The following HDX variants were observed in gnomAD, a reference collection of about 807,000 sequenced individuals.
HDX encodes the protein chromosome X open reading frame 43.
In HDX, 19 loss-of-function variants were observed where a neutral mutation model predicts 45.2. The observed-to-expected ratio is 0.42, with a 90% CI of 0.29 to 0.62. The LOEUF is 0.62. HDX is among the 20% of genes least tolerant of loss of function. HDX has a pLI of 0.20. For synonymous variants in HDX, 188 were observed against 172.8 expected (o/e 1.09, Z -0.69); for missense variants, 532 against 493.9 (o/e 1.08, Z -0.73).
intron 5 of HDX, among the ~76,000 whole-genome samples, chrX:84,368,441 T>A (rs987926873): frequency 8.9e-6 from 1 of 111,803 alleles, no homozygotes; most frequent in Admixed American, 9.5e-5. Flanking sequence ...TTTCATTCAA[T>A]TTATTTATTA....
chrX:84,422,614 A>C (rs1473700140), intron 5 of HDX, among the ~76,000 whole-genome samples: 1 of 110,411 alleles, frequency 9.1e-6, no homozygotes, highest in Non-Finnish European at 1.9e-5. Context: ...AGTAGAAATA[A>C]ATGCTTTTGA....
intron 4 of HDX, among the ~76,000 whole-genome samples, chrX:84,459,183 C>T (rs1041743029): frequency 1.8e-5 from 2 of 111,739 alleles, no homozygotes; most frequent in Admixed American, 9.4e-5. Flanking sequence ...TGGCTCATGC[C>T]TGTAATCCCA....
At chrX:84,384,396 TAA>T (rs756708725) in intron 5 of HDX, among the ~76,000 whole-genome samples, 1 of 111,216 alleles carries the variant, frequency 9.0e-6, no homozygotes, top group South Asian at 3.8e-4. Flanking sequence ...TTGATTTGTT[TAA>T]GTTTTTTAGA....
chrX:84,487,773 G>A (rs918038048), intron 2 of HDX, among the ~76,000 whole-genome samples: 3 of 112,150 alleles, frequency 2.7e-5, no homozygotes, highest in Non-Finnish European at 5.6e-5. Flanking sequence ...GAAATATAGG[G>A]TTTCCCTTAG....
Position 84,469,013 on chromosome X carries a change from C to G in HDX, c.710G>C (p.Gly237Ala), listed in dbSNP as rs1218194908. The change falls in exon 4 of 11, where the codon GGC (glycine) becomes GCC (alanine). Residue 237 changes from glycine to alanine, a missense_variant. Gly to Ala is a moderately conservative substitution (Grantham distance 60, BLOSUM62 0). Coordinates refer to ENST00000373177, the MANE Select transcript of HDX (RefSeq NM_001177479.2). ...IQRSYKPEHT[G>A]PALHNLCGQK... ...CCCACATAAGTTATGTAATGCTGGG[C>G]CTGTGTGTTCAGGCTTATATGACCT... The G allele has an allele frequency of 8.3e-7, 1 of 1,211,280 alleles. No homozygotes were observed.
At chrX:84,371,418 G>A (rs2037891427) in intron 5 of HDX, among the ~76,000 whole-genome samples, 1 of 111,631 alleles carries the variant, frequency 9.0e-6, no homozygotes, top group Non-Finnish European at 1.9e-5. Flanking sequence ...ATCCTAAATG[G>A]GAAGAAAAAT....
At chrX:84,327,097 G>A (rs746883817) in intron 9 of HDX, among the ~76,000 whole-genome samples, 1 of 111,557 alleles carries the variant, frequency 9.0e-6, no homozygotes, top group East Asian at 2.8e-4. Flanking sequence ...AGCCTCCACA[G>A]ATTAAGTAGG....
At chrX:84,432,571 G>GT (rs202045211) in intron 5 of HDX, among the ~76,000 whole-genome samples, 57 of 110,349 alleles carry the variant, frequency 5.2e-4, no homozygotes, top group Non-Finnish European at 9.3e-4. Flanking sequence ...GTATTCTTAG[G>GT]TTTTTTTTGT....
chrX:84,415,710 C>T (rs1569327964), intron 5 of HDX, among the ~76,000 whole-genome samples: 1 of 112,334 alleles, frequency 8.9e-6, no homozygotes, highest in Non-Finnish European at 1.9e-5. Context: ...TAAATTTCAT[C>T]TGATGTGTTT....
intron 5 of HDX, among the ~76,000 whole-genome samples, chrX:84,431,124 G>GT (rs968037049): frequency 1.8e-5 from 2 of 110,356 alleles, no homozygotes; most frequent in Non-Finnish European, 3.8e-5. Context: ...GTGGTATTTT[G>GT]TTTTCTGTTC....
intron 5 of HDX, among the ~76,000 whole-genome samples, chrX:84,391,179 T>A (rs2038432606): frequency 9.6e-6 from 1 of 104,482 alleles, no homozygotes; most frequent in Admixed American, 1.0e-4. Flanking sequence ...TTTTTAGCTG[T>A]CACATATGAA....
intron 5 of HDX, among the ~76,000 whole-genome samples, chrX:84,388,674 T>A (rs1440341719): frequency 8.9e-6 from 1 of 111,943 alleles, no homozygotes; most frequent in Non-Finnish European, 1.9e-5. Context: ...TCTTAAAATG[T>A]CTATTTTATC....
chrX:84,403,350 T>C (rs938067940), intron 5 of HDX, among the ~76,000 whole-genome samples: 2 of 111,513 alleles, frequency 1.8e-5, no homozygotes, highest in African/African-American at 6.5e-5. Flanking sequence ...TTTATTTTGA[T>C]GGAATTAAGA....
chrX:84,427,746 A>T (rs1413599375), intron 5 of HDX, among the ~76,000 whole-genome samples: 1 of 111,524 alleles, frequency 9.0e-6, no homozygotes, highest in Non-Finnish European at 1.9e-5. Context: ...TATTATAAAT[A>T]AAGCTGATAT....
intron 4 of HDX, among the ~76,000 whole-genome samples, chrX:84,450,816 C>T (rs1180309892): frequency 8.9e-6 from 1 of 112,093 alleles, no homozygotes; most frequent in Non-Finnish European, 1.9e-5. Context: ...TCTCAACAAC[C>T]ACTTTTTTAA....
intron 2 of HDX, among the ~76,000 whole-genome samples, chrX:84,477,280 G>C (rs1016170072): frequency 1.8e-5 from 2 of 111,609 alleles, no homozygotes; most frequent in Non-Finnish European, 3.8e-5. Context: ...CTCCTCTGCA[G>C]GGCTGTACCT....
chrX:84,407,026 T>C (rs951668977), intron 5 of HDX, among the ~76,000 whole-genome samples: 2 of 111,829 alleles, frequency 1.8e-5, no homozygotes, highest in African/African-American at 3.2e-5. Context: ...TATTTCTAAA[T>C]TGTTGGCTAG....
intron 4 of HDX, among the ~76,000 whole-genome samples, chrX:84,458,749 C>T (rs918776518): frequency 3.6e-5 from 4 of 111,510 alleles, no homozygotes; most frequent in Non-Finnish European, 7.5e-5. Flanking sequence ...CTGGCAAAAT[C>T]GGAAACCTGC....
At chrX:84,474,751 T>G (rs1298559968) in intron 3 of HDX, among the ~76,000 whole-genome samples, 1 of 112,217 alleles carries the variant, frequency 8.9e-6, no homozygotes, top group African/African-American at 3.2e-5. Context: ...AAAGAAAAAT[T>G]TATTCTCTTA....
Sources: gnomAD v4.1 joint callset for allele counts (sites outside exome capture counted in the v4.1 genomes callset) on GRCh38, gnomAD v4.1.1 for gene constraint, MANE v1.5 for transcripts, NCBI Gene and HGNC (gene_info 2026-07-23, HGNC 2026-07-21) for gene names.